Variants in CUX1 observed in about 807,000 individuals in gnomAD.
CUX1 encodes cut like homeobox 1.
CUX1 carries 31 observed loss-of-function variants against 158.8 expected under a neutral mutation model. The observed-to-expected ratio is 0.20, with a 90% CI of 0.15 to 0.26. CUX1 has a LOEUF of 0.26. Among genes scored for constraint, CUX1 ranks in the 10% least tolerant of loss-of-function variants. The probability of loss-of-function intolerance (pLI) is 1.00; values close to 1 mark genes in which losing one functional copy is unlikely to be tolerated. For missense variants in CUX1, 1,589 were observed against 2,014.6 expected (o/e 0.79, Z 4.04); for synonymous variants, 879 against 862.1 (o/e 1.02, Z -0.34).
intron 4 of CUX1, among the ~76,000 whole-genome samples, chr7:102,088,128 A>G (rs187051070): frequency 6.6e-6 from 1 of 151,740 alleles, no homozygotes; most frequent in Non-Finnish European, 1.5e-5. Context: ...CTCCCCAGTA[A>G]CTGGGATTAC....
rs143293762 is a variant in CUX1 at position 102,133,851 on chromosome 7, A to C, written c.674+18578A>C. On this transcript the variant is annotated intron_variant, in intron 8 of 23. Transcript: ENST00000292535. Reference sequence around the variant, plus strand: ...CTTCCATTGTAAATGAAGCCCCCACACCGGGGTAATTGCAGACTGTGACCT... The same window carrying C: ...CTTCCATTGTAAATGAAGCCCCCACCCCGGGGTAATTGCAGACTGTGACCT... Among the ~76,000 whole-genome samples the C allele has an allele frequency of 1.5e-3, 230 of 152,186 alleles. 4 individuals carry two copies. The East Asian group carries it at 0.037, about 25-fold the overall frequency.
At chr7:101,993,863 A>G (rs938113389) in intron 2 of CUX1, among the ~76,000 whole-genome samples, 8 of 150,896 alleles carry the variant, frequency 5.3e-5, no homozygotes, top group Non-Finnish European at 7.4e-5. Flanking sequence ...GGCATCCTGG[A>G]CTCCCTTCTC....
intron 2 of CUX1, among the ~76,000 whole-genome samples, chr7:101,927,096 G>A (rs577180704): frequency 3.9e-5 from 6 of 152,176 alleles, no homozygotes; most frequent in African/African-American, 4.8e-5. Context: ...GTCAGAGAAC[G>A]TGTTTTGATC....
At chr7:101,961,709 G>A (rs1382065677) in intron 2 of CUX1, 1 of 152,044 alleles carries the variant, frequency 6.6e-6, no homozygotes, top group African/African-American at 2.4e-5. Flanking sequence ...GTGAAGCCTT[G>A]TCTTTACTAA....
chr7:101,816,113 G>C, upstream of CUX1: 5 of 1,326,762 alleles, frequency 3.8e-6, no homozygotes, highest in Non-Finnish European at 5.0e-6. Flanking sequence ...CTCCGCGCTC[G>C]GCCTCGCGCC....
intron 1 of CUX1, among the ~76,000 whole-genome samples, chr7:101,835,492 T>C (rs1329742834): frequency 6.6e-6 from 1 of 152,244 alleles, no homozygotes; most frequent in Non-Finnish European, 1.5e-5. Context: ...AATGCAGTTT[T>C]CCATTTTCTT....
intron 1 of CUX1, among the ~76,000 whole-genome samples, chr7:101,865,970 C>CA (rs1270469963): frequency 6.6e-6 from 1 of 151,638 alleles, no homozygotes; most frequent in Non-Finnish European, 1.5e-5. Flanking sequence ...AGCCTCCGGT[C>CA]AAAAAAAATC....
intron 3 of CUX1, among the ~76,000 whole-genome samples, chr7:102,054,131 G>A (rs767885022): frequency 6.6e-5 from 10 of 152,042 alleles, no homozygotes; most frequent in East Asian, 1.9e-4. Context: ...TCTTGGTAGC[G>A]TCTTTAGAAG....
At chr7:102,037,265 GAGAGTCTTAGATCAAAGC>G (rs1821544592) in intron 3 of CUX1, among the ~76,000 whole-genome samples, 1 of 152,134 alleles carries the variant, frequency 6.6e-6, no homozygotes, top group African/African-American at 2.4e-5. Context: ...AAATTACAAG[GAGAGTCTTAGATCAAAGC>G]TTTAAACTTT....
At chr7:102,056,582 T>C (rs1824157232) in intron 3 of CUX1, among the ~76,000 whole-genome samples, 1 of 152,232 alleles carries the variant, frequency 6.6e-6, no homozygotes, top group Admixed American at 6.5e-5. Context: ...AAGGTTCTTT[T>C]CTTTTCTGAG....
In CUX1 at chr7:102,202,217, C is replaced by A; in HGVS notation, c.2907+13C>A. 1 of 1,574,880 alleles carries A rather than the reference C, an allele frequency of 6.3e-7. No homozygotes were observed. Among genetic ancestry groups the A allele is most frequent in the South Asian group, 1.2e-5 (1 of 85,216 alleles). ...CTTCGGGGAGAAGGTAAGGGATCTGCTCTGGGGGCTTTGGTTCTCCCATCT... is the reference window on the plus strand; with the variant it reads ...CTTCGGGGAGAAGGTAAGGGATCTGATCTGGGGGCTTTGGTTCTCCCATCT... On this transcript the variant is annotated intron_variant, in intron 18 of 23. Transcript: ENST00000292535.
chr7:102,138,488 C>T (rs1224732312), intron 8 of CUX1, among the ~76,000 whole-genome samples: 1 of 152,192 alleles, frequency 6.6e-6, no homozygotes, highest in Non-Finnish European at 1.5e-5. Context: ...TGAGCCTCCT[C>T]TTGTAACTGA....
intron 9 of CUX1, among the ~76,000 whole-genome samples, chr7:102,164,123 G>A (rs183532547): frequency 3.3e-4 from 50 of 152,290 alleles, no homozygotes; most frequent in African/African-American, 1.2e-3. Context: ...GTGAAACCCC[G>A]TCCCGTCCGG....
chr7:101,847,460 A>C (rs1795817770), intron 1 of CUX1, among the ~76,000 whole-genome samples: 1 of 152,018 alleles, frequency 6.6e-6, no homozygotes, highest in Non-Finnish European at 1.5e-5. Context: ...TCTGATTTGG[A>C]ATTTTTGTTC....
intron 23 of CUX1, among the ~76,000 whole-genome samples, chr7:102,245,951 G>A (rs1453643547): frequency 4.0e-5 from 6 of 149,972 alleles, no homozygotes; most frequent in Admixed American, 1.3e-4. Flanking sequence ...CAGCCTGGGC[G>A]TCAGAGTGAG....
intron 2 of CUX1, among the ~76,000 whole-genome samples, chr7:101,969,359 C>CAAAAAAAAAA (rs10711703): frequency 7.3e-4 from 41 of 56,068 alleles, no homozygotes; most frequent in East Asian, 4.9e-3. Context: ...CAAAAAACAG[C>CAAAAAAAAAA]AAAAAAAAAA....
intron 5 of CUX1, among the ~76,000 whole-genome samples, chr7:102,102,209 G>A (rs1357640045): frequency 2.0e-4 from 31 of 151,342 alleles, no homozygotes; most frequent in Non-Finnish European, 4.4e-5. Flanking sequence ...ACCTCTCTAC[G>A]GAAAGCACTC....
intron 1 of CUX1, among the ~76,000 whole-genome samples, chr7:101,892,993 A>G (rs1294001490): frequency 6.6e-6 from 1 of 152,126 alleles, no homozygotes; most frequent in African/African-American, 2.4e-5. Context: ...TTACTAGAAA[A>G]TAACTCTTAA....
chr7:102,211,539 G>C (rs1554523149), intron 20 of CUX1, among the ~76,000 whole-genome samples: 1 of 151,992 alleles, frequency 6.6e-6, no homozygotes, highest in Non-Finnish European at 1.5e-5. Context: ...CCAGCACTTT[G>C]AGAGGCCGAG....
Sources: gnomAD v4.1 joint callset for allele counts (sites outside exome capture counted in the v4.1 genomes callset) on GRCh38, gnomAD v4.1.1 for gene constraint, MANE v1.5 for transcripts, NCBI Gene and HGNC (gene_info 2026-07-23, HGNC 2026-07-21) for gene names.